SPINDOC: variants seen among roughly 807,000 people sequenced by gnomAD.
SPINDOC encodes spindlin interactor and repressor of chromatin-binding protein.
In SPINDOC, 13 loss-of-function variants were observed where a neutral mutation model predicts 30.7. That is an observed-to-expected ratio of 0.42 (90% CI 0.28 to 0.67). SPINDOC has a LOEUF of 0.67. SPINDOC is among the 30% of genes least tolerant of loss of function. The pLI is 0.22. For synonymous variants in SPINDOC, 228 were observed against 211.4 expected (o/e 1.08, Z -0.68); for missense variants, 438 against 518.0 (o/e 0.85, Z 1.50).
chr11:63,826,750 G>A (rs11231596), intron 5 of SPINDOC, among the ~76,000 whole-genome samples, 178 bp from the exon 6 acceptor site: 63,814 of 152,124 alleles, frequency 0.42, 15,976 homozygotes, highest in East Asian at 0.71. Context: ...AGCAGTCCTC[G>A]ATCACCCAGG....
rs1486712690 is a variant in SPINDOC, at chr11:63,818,678, T to C, written c.733+26T>C. ...GTGAAGGGGAGGCCCGGGGGAGGCG[T>C]GGGCTCTGGCCGCAGTGCTCTGAGG... On this transcript the variant is annotated intron_variant, in intron 4 of 5. Transcript: ENST00000294244. The surrounding 1 kb of genome is among the most constrained non-coding windows in gnomAD (Gnocchi z 5.3). The C allele has an allele frequency of 6.2e-7, 1 of 1,612,842 alleles. No homozygotes were observed. The highest frequency in any genetic ancestry group is 2.2e-5 in the East Asian group (1 of 44,856).
rs1372957243 is a variant in SPINDOC, at chr11:63,818,245, G to C, written c.487G>C (p.Asp163His). Residue 163 changes from aspartate to histidine, a missense_variant, in exon 3 of 6, where the codon GAC becomes CAC. By Grantham distance (81) the Asp-to-His change is moderately conservative (BLOSUM62 -1). This residue lies in a region of SPINDOC where 300 missense variants were observed against 332.8 expected (regional missense o/e 0.90). Coordinates refer to ENST00000294244, the MANE Select transcript of SPINDOC (RefSeq NM_138471.3). This position sits in a 1 kb window ranked among gnomAD's most constrained non-coding sequence, Gnocchi z 5.3. The part of the protein sequence containing the change: ...DSGQDAHPDP[D>H]ANPDAARMPA... The stretch of plus-strand genomic sequence containing the variant: ...GGGCCAGGATGCCCACCCAGACCCA[G>C]ACGCCAACCCAGACGCTGCCAGAAT... The C allele has an allele frequency of 1.9e-6, 3 of 1,613,990 alleles. No homozygotes were observed. Among genetic ancestry groups the C allele is most frequent in the Non-Finnish European group, 2.5e-6 (3 of 1,179,988 alleles).
chr11:63,820,035 C>T (rs1456309192), intron 5 of SPINDOC, among the ~76,000 whole-genome samples: 1 of 152,166 alleles, frequency 6.6e-6, no homozygotes, highest in East Asian at 1.9e-4. Context: ...CAGGGGACAC[C>T]AGCTCAGTAA....
intron 5 of SPINDOC, among the ~76,000 whole-genome samples, chr11:63,820,585 T>C (rs1349079099): frequency 6.6e-6 from 1 of 151,760 alleles, no homozygotes; most frequent in Non-Finnish European, 1.5e-5. Flanking sequence ...CACACAAATC[T>C]AATGGCTTAA....
chr11:63,818,473 G>A lies in SPINDOC; in HGVS notation c.608-54G>A, dbSNP rs908919260. On this transcript the variant is annotated intron_variant, in intron 3 of 5. Coordinates refer to ENST00000294244, the MANE Select transcript of SPINDOC (RefSeq NM_138471.3). This position sits in a 1 kb window ranked among gnomAD's most constrained non-coding sequence, Gnocchi z 5.3. The stretch of plus-strand genomic sequence containing the variant: ...AGGTATCTTCAGGAGCCCTGGGGTG[G>A]CAGGGTTCGGGGATGGCCTCTTTAA... 6.9e-6 allele frequency: 11 copies of A among 1,603,938 alleles called. No individual in the cohort carries two copies. The highest frequency in any genetic ancestry group is 3.3e-5 in the South Asian group (3 of 90,680).
intron 1 of SPINDOC, among the ~76,000 whole-genome samples, chr11:63,814,110 G>T (rs1238395457): frequency 6.6e-6 from 1 of 152,166 alleles, no homozygotes; most frequent in Admixed American, 6.5e-5. Context: ...CCCCTCTCCC[G>T]GGCCCAGCAC....
At position 63,813,748 on chromosome 11, in the gene SPINDOC, A is replaced by C; in HGVS notation, c.62A>C (p.Glu21Ala). The C allele has an allele frequency of 6.3e-7, 1 of 1,594,102 alleles. No homozygotes were observed. The highest frequency in any genetic ancestry group is 8.5e-7 in the Non-Finnish European group (1 of 1,171,604). ...TTCGAGGTGACGCTGAAATGCGAGG[A>C]AGGGGAGGACGAGGAGGAGGCCATG... ...DCFEVTLKCE[E>A]GEDEEEAMVV... The change falls in exon 1 of 6, where the codon GAA becomes GCA. Residue 21 changes from glutamate (E) to alanine (A), a missense_variant. Coordinates refer to ENST00000294244, the MANE Select transcript of SPINDOC (RefSeq NM_138471.3).
intron 1 of SPINDOC, among the ~76,000 whole-genome samples, chr11:63,816,087 TG>T (rs1025007472): frequency 2.6e-5 from 4 of 151,970 alleles, no homozygotes; most frequent in Admixed American, 2.6e-4. Context: ...TGCTATGGTG[TG>T]GTAAGGAGAC....
Position 63,817,817 on chromosome 11 carries a change from A to G in SPINDOC, c.140A>G (p.Glu47Gly). The G allele has an allele frequency of 6.3e-7, 1 of 1,587,262 alleles. No individual in the cohort carries two copies. The highest frequency in any genetic ancestry group is 8.6e-7 in the Non-Finnish European group (1 of 1,166,604). Residue 47 changes from glutamate to glycine, a missense_variant, in exon 2 of 6, where the codon GAG becomes GGG. This residue lies in a region of SPINDOC where 129 missense variants were observed against 152.7 expected (regional missense o/e 0.84). Transcript: ENST00000294244. The part of the protein sequence containing the change: ...PEPMLRVTQQ[E>G]KTPPPRPSPL... ...TCTCCCCTCGCAGTGACCCAACAGG[A>G]GAAGACCCCACCGCCTAGACCCAGC...
rs1397344032 is a variant in SPINDOC, at chr11:63,818,438, T to G, written c.607+73T>G. On this transcript the variant is annotated intron_variant, in intron 3 of 5. Transcript: ENST00000294244. This position sits in a 1 kb window ranked among gnomAD's most constrained non-coding sequence, Gnocchi z 5.3. ...GGGACAGGGTGAAATACAGGCCCTG[T>G]GTTCTGGGCAGGTATCTTCAGGAGC... 2.0e-5 allele frequency: 32 copies of G among 1,604,350 alleles called. No individual in the cohort carries two copies. Among genetic ancestry groups the G allele is most frequent in the Non-Finnish European group, 2.5e-5 (29 of 1,176,228 alleles).
intron 5 of SPINDOC, chr11:63,823,031 T>C: frequency 9.7e-7 from 1 of 1,030,566 alleles, no homozygotes; most frequent in South Asian, 1.3e-5. Context: ...CCATAGAGGA[T>C]ACCTCACTGG....
At chr11:63,815,712 CAGATACAGATGCTGG>C (rs1179220798) in intron 1 of SPINDOC, among the ~76,000 whole-genome samples, 3 of 151,878 alleles carry the variant, frequency 2.0e-5, no homozygotes, top group East Asian at 3.9e-4. Context: ...CGAGGAGATA[CAGATACAGATGCTGG>C]AGATACAGAT....
rs1173360865 is a variant in SPINDOC at position 63,818,185 on chromosome 11, T to TA, written c.458-30dup. The stretch of plus-strand genomic sequence containing the variant: ...GGAGAAGTCGGACTTGTTGGGGCAC[T>TA]AGAAGCTCATTGTGCTCTTGCTCCC... On this transcript the variant is annotated intron_variant, in intron 2 of 5. Coordinates refer to ENST00000294244, the MANE Select transcript of SPINDOC (RefSeq NM_138471.3). This position sits in a 1 kb window ranked among gnomAD's most constrained non-coding sequence, Gnocchi z 5.3. 1 of 1,613,516 alleles carries TA rather than the reference T, an allele frequency of 6.2e-7. No homozygotes were observed. The highest frequency in any genetic ancestry group is 2.2e-5 in the East Asian group (1 of 44,858).
At chr11:63,826,006 T>C (rs1194283589) in intron 5 of SPINDOC, among the ~76,000 whole-genome samples, 1 of 152,074 alleles carries the variant, frequency 6.6e-6, no homozygotes, top group Non-Finnish European at 1.5e-5. Context: ...TGGCGTGATC[T>C]TGGCTCACTG....
chr11:63,823,419 T>C, intron 5 of SPINDOC: 1 of 972,690 alleles, frequency 1.0e-6, no homozygotes, highest in Non-Finnish European at 1.3e-6. Context: ...AGGCCACCTG[T>C]GGTCAGGTTA....
At chr11:63,824,149 A>G (rs1331062508) in intron 5 of SPINDOC, among the ~76,000 whole-genome samples, 1 of 151,392 alleles carries the variant, frequency 6.6e-6, no homozygotes, top group African/African-American at 2.4e-5. Flanking sequence ...ACCTCGGGTG[A>G]TCCGCCCACC....
Position 63,817,795 on chromosome 11 carries a change from C to T in SPINDOC, c.128-10C>T. 1 of 1,554,180 alleles carries T rather than the reference C, an allele frequency of 6.4e-7. No individual in the cohort carries two copies. The highest frequency in any genetic ancestry group is 8.7e-7 in the Non-Finnish European group (1 of 1,148,626). On this transcript the variant is annotated splice_polypyrimidine_tract_variant and intron_variant, in intron 1 of 5. Coordinates refer to ENST00000294244, the MANE Select transcript of SPINDOC (RefSeq NM_138471.3). ...TTTAGTGATAACACCCTCCCCCTCT[C>T]CCCTCGCAGTGACCCAACAGGAGAA...
intron 5 of SPINDOC, chr11:63,822,732 G>C: frequency 2.3e-6 from 3 of 1,288,874 alleles, no homozygotes; most frequent in Admixed American, 4.6e-5. Flanking sequence ...GTGGATCCCT[G>C]CTCTAAATGG....
chr11:63,821,844 G>A (rs2015530506), intron 5 of SPINDOC, among the ~76,000 whole-genome samples: 1 of 152,062 alleles, frequency 6.6e-6, no homozygotes, highest in South Asian at 2.1e-4. Context: ...AAACTCCCAG[G>A]CTCAAGCAGT....
Sources: gnomAD v4.1 joint callset for allele counts (sites outside exome capture counted in the v4.1 genomes callset) on GRCh38, gnomAD v4.1.1 for gene constraint, gnomAD v4.1.1 regional missense constraint, Gnocchi (gnomAD v3.1) non-coding constraint, MANE v1.5 for transcripts, NCBI Gene and HGNC (gene_info 2026-07-23, HGNC 2026-07-21) for gene names.